The following SLC35F4 variants were observed in gnomAD, a reference collection of about 807,000 sequenced individuals.
The protein encoded by SLC35F4 is solute carrier family 35 member F4, also known as chromosome 14 open reading frame 36.
SLC35F4 carries 24 observed loss-of-function variants against 44.2 expected under a neutral mutation model. That is an observed-to-expected ratio of 0.54 (90% CI 0.39 to 0.76). The LOEUF is 0.76. Among genes scored for constraint, SLC35F4 ranks in the 30% least tolerant of loss-of-function variants. The pLI is 0.00. For missense variants in SLC35F4, 562 were observed against 586.1 expected, an observed-to-expected ratio of 0.96 and a Z score of 0.42; for synonymous variants, 238 against 223.6, an observed-to-expected ratio of 1.06 and a Z score of -0.57.
At chr14:57,571,473 A>AGATAAT (rs1247271427) in intron 5 of SLC35F4, among the ~76,000 whole-genome samples, 4 of 152,232 alleles carry the variant, frequency 2.6e-5, no homozygotes, top group Non-Finnish European at 5.9e-5. Flanking sequence ...TAATGACCAT[A>AGATAAT]GATAATTAAA....
At chr14:57,970,470 A>G (rs900050456) in intron 1 of SLC35F4, among the ~76,000 whole-genome samples, 2 of 152,190 alleles carry the variant, frequency 1.3e-5, no homozygotes, top group Non-Finnish European at 2.9e-5. Flanking sequence ...GTCTTTTGCT[A>G]AAAGAGTCTA....
At chr14:57,616,487 T>C (rs1595060849) in intron 1 of SLC35F4, among the ~76,000 whole-genome samples, 1 of 152,332 alleles carries the variant, frequency 6.6e-6, no homozygotes, top group East Asian at 1.9e-4. Flanking sequence ...AAGAGGATTC[T>C]TGCCCCCTCA....
At chr14:57,624,893 AC>A in intron 1 of SLC35F4, among the ~76,000 whole-genome samples, 2 of 152,344 alleles carry the variant, frequency 1.3e-5, no homozygotes, top group Middle Eastern at 6.8e-3. Flanking sequence ...GAAAACCGGC[AC>A]AAGACAAGGA....
chr14:57,605,959 A>G (rs1328656372), intron 1 of SLC35F4, among the ~76,000 whole-genome samples: 1 of 152,132 alleles, frequency 6.6e-6, no homozygotes, highest in African/African-American at 2.4e-5. Flanking sequence ...GGGGAAGACA[A>G]GAGGGGGAAG....
chr14:57,711,804 G>A (rs191193903), intron 1 of SLC35F4, among the ~76,000 whole-genome samples: 2 of 152,284 alleles, frequency 1.3e-5, no homozygotes, highest in Admixed American at 1.3e-4. Flanking sequence ...ACTACTGTAA[G>A]ATCAAACAAA....
rs542898571 is a variant in SLC35F4, at chr14:57,767,448, A to C, written c.103+98275T>G. ...TGGACATTAAACAACATACTTTTACATTATGGATCAGAGACAGTCTCGAAG... is the reference window on the plus strand; with the variant it reads ...TGGACATTAAACAACATACTTTTACCTTATGGATCAGAGACAGTCTCGAAG... On this transcript the variant is annotated intron_variant, in intron 1 of 7. Transcript: ENST00000556826. 1.2e-4 allele frequency among the ~76,000 whole-genome samples: 19 copies of C among 152,350 alleles called. No homozygotes were observed. In the South Asian group the frequency reaches 3.9e-3, roughly 32 times the overall value.
chr14:57,890,857 A>G (rs185003108), intron 1 of SLC35F4, among the ~76,000 whole-genome samples: 1 of 152,254 alleles, frequency 6.6e-6, no homozygotes, highest in African/African-American at 2.4e-5. Flanking sequence ...AAAGATTTGA[A>G]TATAAAACAT....
intron 1 of SLC35F4, among the ~76,000 whole-genome samples, chr14:57,802,985 CAAAAAAA>C (rs59647111): frequency 2.4e-4 from 17 of 71,288 alleles, no homozygotes; most frequent in Non-Finnish European, 2.8e-4. Context: ...GCAGAGATAC[CAAAAAAA>C]AAAAAAAAAA....
At chr14:57,740,279 T>G (rs191894414) in intron 1 of SLC35F4, among the ~76,000 whole-genome samples, 5 of 152,336 alleles carry the variant, frequency 3.3e-5, no homozygotes, top group African/African-American at 1.2e-4. Context: ...CTATGATAAT[T>G]TGTCATATAC....
intron 1 of SLC35F4, among the ~76,000 whole-genome samples, chr14:57,696,966 G>T (rs1393284700): frequency 6.6e-6 from 1 of 152,130 alleles, no homozygotes; most frequent in African/African-American, 2.4e-5. Flanking sequence ...AATACTTAAT[G>T]CATGTAGGAC....
chr14:57,867,147 A>G (rs1888189804), upstream of SLC35F4, among the ~76,000 whole-genome samples: 1 of 151,816 alleles, frequency 6.6e-6, no homozygotes, highest in Non-Finnish European at 1.5e-5. Context: ...ATATTACTAA[A>G]GCTTAGGGAG....
At chr14:57,896,439 G>A (rs1239901263) in intron 1 of SLC35F4, among the ~76,000 whole-genome samples, 1 of 152,120 alleles carries the variant, frequency 6.6e-6, no homozygotes, top group Non-Finnish European at 1.5e-5. Flanking sequence ...TTTTCATTGG[G>A]AGGATATTAA....
rs114488169 is a variant in SLC35F4 at position 57,721,467 on chromosome 14, C to A, written c.104-127343G>T. Among the ~76,000 whole-genome samples, 357 of 152,248 alleles carry A rather than the reference C, an allele frequency of 2.3e-3. 1 individual carries two copies. Among genetic ancestry groups the A allele is most frequent in the African/African-American group, 8.2e-3 (340 of 41,558 alleles). The stretch of plus-strand genomic sequence containing the variant: ...GGATTTTAACTCCCATCTTCAGAAA[C>A]AGATACTGACCCTCAAATCTGCTAA... On this transcript the variant is annotated intron_variant, in intron 1 of 7. Coordinates refer to ENST00000556826, the MANE Select transcript of SLC35F4 (RefSeq NM_001306087.2).
At chr14:57,611,169 G>A (rs1238448849) in intron 1 of SLC35F4, among the ~76,000 whole-genome samples, 2 of 152,148 alleles carry the variant, frequency 1.3e-5, no homozygotes, top group Non-Finnish European at 2.9e-5. Flanking sequence ...TGTGTTATAG[G>A]AACTAAATGC....
intron 1 of SLC35F4, among the ~76,000 whole-genome samples, chr14:57,689,669 T>C (rs555474200): frequency 6.0e-5 from 9 of 148,926 alleles, no homozygotes; most frequent in East Asian, 4.0e-4. Context: ...TTCTCACTCA[T>C]TGGTGGGAAT....
At chr14:57,820,240 A>T (rs899308641) in intron 1 of SLC35F4, among the ~76,000 whole-genome samples, 8 of 152,172 alleles carry the variant, frequency 5.3e-5, no homozygotes, top group African/African-American at 9.7e-5. Context: ...CACACACAAA[A>T]CATAAAAAAG....
chr14:57,787,093 A>T (rs1186600959), intron 1 of SLC35F4, among the ~76,000 whole-genome samples: 5 of 152,210 alleles, frequency 3.3e-5, no homozygotes, highest in African/African-American at 1.2e-4. Context: ...GAAACTTTGG[A>T]TACACTCTTA....
chr14:57,685,947 T>C (rs969412519), intron 1 of SLC35F4, among the ~76,000 whole-genome samples: 3 of 152,152 alleles, frequency 2.0e-5, no homozygotes, highest in South Asian at 4.1e-4. Flanking sequence ...TGAAAACCAA[T>C]AGTAAATAAG....
intron 1 of SLC35F4, among the ~76,000 whole-genome samples, chr14:57,616,156 A>T (rs1320114295): frequency 6.6e-6 from 1 of 152,172 alleles, no homozygotes; most frequent in Non-Finnish European, 1.5e-5. Flanking sequence ...CATTACCAAC[A>T]TCCATCTCCA....
Sources: allele counts gnomAD v4.1 joint callset (sites outside exome capture counted in the v4.1 genomes callset), GRCh38; gene constraint gnomAD v4.1.1; transcripts MANE v1.5; gene names NCBI Gene and HGNC (gene_info 2026-07-23, HGNC 2026-07-21).